SYNE3: variants seen among roughly 807,000 people sequenced by gnomAD.
The protein encoded by SYNE3 is spectrin repeat containing nuclear envelope family member 3.
A neutral mutation model predicts 111.2 loss-of-function variants in SYNE3; 100 were observed. The observed-to-expected ratio is 0.90, with a 90% CI of 0.77 to 1.06. SYNE3 has a LOEUF of 1.06. SYNE3 is among the 50% of genes least tolerant of loss of function. The pLI is 0.00. For synonymous variants in SYNE3, 547 were observed against 533.9 expected, an observed-to-expected ratio of 1.02 and a Z score of -0.34; for missense variants, 1,160 against 1,240.3, an observed-to-expected ratio of 0.94 and a Z score of 0.97.
intron 7 of SYNE3, 78 bp from the exon 8 acceptor site, chr14:95,450,183 C>A (rs1595204604): frequency 1.3e-6 from 2 of 1,482,348 alleles, no homozygotes; most frequent in East Asian, 5.0e-5. Context: ...CCGCCAAGAC[C>A]CTCAAGAGGC....
chr14:95,499,264 A>G (rs1890229461), intron 1 of SYNE3, among the ~76,000 whole-genome samples: 1 of 152,242 alleles, frequency 6.6e-6, no homozygotes, highest in Non-Finnish European at 1.5e-5. Context: ...GCTCAGGGTC[A>G]AAGGCTTTTC....
In SYNE3 at chr14:95,440,019, C is replaced by T. The variant is rs775153261; in HGVS notation, c.1968G>A (p.Gln656=). The change falls in exon 12 of 18, where the codon CAG becomes CAA. Residue 656 remains glutamine, a synonymous_variant. Transcript: ENST00000682763. ...CGATCCACTGCCGCAGCTCCAGCAG[C>T]TGGTGGCTGAAGGTGCAGTGCTCCT... ...SVQEHCTFSH[Q]LLELRQWIVV... 29 of 1,611,934 alleles carry T rather than the reference C, an allele frequency of 1.8e-5. No individual in the cohort carries two copies. The highest frequency in any genetic ancestry group is 2.5e-5 in the Non-Finnish European group (29 of 1,180,028).
chr14:95,488,713 G>C (rs1480856321), intron 1 of SYNE3, among the ~76,000 whole-genome samples: 2 of 90,102 alleles, frequency 2.2e-5, no homozygotes, highest in Non-Finnish European at 4.5e-5. Context: ...GAGGAGAGGA[G>C]AGGAGAGGAG....
Position 95,439,956 on chromosome 14 carries a change from C to T in SYNE3, c.2031G>A (p.Glu677=), listed in dbSNP as rs751147919. ...TTQKLEAHRG[E]AGPGDAESQE... ...GGGACTCGGCATCCCCCGGGCCCGC[C>T]TCTCCCCGGTGTGCCTCCAGCTTTT... Residue 677 remains glutamate, a synonymous_variant, in exon 12 of 18, where the codon GAG becomes GAA. Coordinates refer to ENST00000682763, the MANE Select transcript of SYNE3 (RefSeq NM_152592.6). 22 of 1,613,954 alleles carry T rather than the reference C, an allele frequency of 1.4e-5. No individual in the cohort carries two copies. The highest frequency in any genetic ancestry group is 1.5e-5 in the Non-Finnish European group (18 of 1,180,028).
intron 1 of SYNE3, among the ~76,000 whole-genome samples, chr14:95,514,337 T>A (rs1023019297): frequency 3.9e-5 from 6 of 152,146 alleles, no homozygotes; most frequent in African/African-American, 1.4e-4. Context: ...GTCAAGAGCC[T>A]CCTGCCCTCC....
In SYNE3 at chr14:95,417,623, A is replaced by C. The variant is rs1428268961; in HGVS notation, c.*203T>G. On this transcript the variant is annotated 3_prime_UTR_variant, in exon 18 of 18. Coordinates refer to ENST00000682763, the MANE Select transcript of SYNE3 (RefSeq NM_152592.6). ...TAGACATTATTCCCTAGTCACATGTAGTACACATTTAGTATAAATAGACTA... is the reference window on the plus strand; with the variant it reads ...TAGACATTATTCCCTAGTCACATGTCGTACACATTTAGTATAAATAGACTA... The C allele has an allele frequency of 3.3e-6, 2 of 609,620 alleles. No homozygotes were observed. Among genetic ancestry groups the C allele is most frequent in the Non-Finnish European group, 5.9e-6 (2 of 338,812 alleles). 37.8% of individuals were successfully genotyped at this position (609,620 alleles called of 1,614,324 possible).
intron 17 of SYNE3, among the ~76,000 whole-genome samples, chr14:95,420,051 A>C (rs924575057): frequency 5.3e-5 from 8 of 151,606 alleles, no homozygotes; most frequent in African/African-American, 1.7e-4. Flanking sequence ...TATCCCCTCC[A>C]GATGATAACG....
intron 15 of SYNE3, among the ~76,000 whole-genome samples, chr14:95,434,084 G>A (rs191629002): frequency 6.6e-6 from 1 of 151,988 alleles, no homozygotes; most frequent in Admixed American, 6.6e-5. Flanking sequence ...GTGGTGCGGT[G>A]GGGGGAATGA....
intron 17 of SYNE3, among the ~76,000 whole-genome samples, chr14:95,422,780 G>A (rs1391077422): frequency 2.0e-5 from 3 of 152,212 alleles, no homozygotes; most frequent in Non-Finnish European, 4.4e-5. Context: ...CCCTCACTGA[G>A]CCACGTGTTG....
intron 8 of SYNE3, among the ~76,000 whole-genome samples, chr14:95,448,580 T>G (rs974206075): frequency 6.6e-6 from 1 of 152,020 alleles, no homozygotes; most frequent in Non-Finnish European, 1.5e-5. Context: ...CCCAGCTACT[T>G]GGGAGGCTGA....
At chr14:95,441,467 T>G (rs1298223657) in intron 11 of SYNE3, among the ~76,000 whole-genome samples, 1 of 152,222 alleles carries the variant, frequency 6.6e-6, no homozygotes. Context: ...GAAGGACATA[T>G]TAGATTAACA....
chr14:95,431,780 C>T (rs1387059396), intron 17 of SYNE3, among the ~76,000 whole-genome samples: 1 of 152,212 alleles, frequency 6.6e-6, no homozygotes, highest in African/African-American at 2.4e-5. Flanking sequence ...GCATCTTTGT[C>T]CACTCCCCAG....
chr14:95,463,173 T>G (rs1887945835), intron 4 of SYNE3, among the ~76,000 whole-genome samples: 1 of 151,044 alleles, frequency 6.6e-6, no homozygotes. Context: ...AAAAAAAGAG[T>G]CCAATAACAA....
intron 16 of SYNE3, 51 bp from the exon 17 acceptor site, chr14:95,432,168 G>A (rs1304794452): frequency 6.4e-7 from 1 of 1,567,126 alleles, no homozygotes; most frequent in Admixed American, 1.8e-5. Flanking sequence ...TAAGTTAAGT[G>A]AGTGAAACTT....
chr14:95,446,768 A>G (rs1286721970), intron 8 of SYNE3, among the ~76,000 whole-genome samples: 1 of 152,146 alleles, frequency 6.6e-6, no homozygotes, highest in Non-Finnish European at 1.5e-5. Context: ...GCTGCCATAT[A>G]GCCCGAACTC....
intron 1 of SYNE3, among the ~76,000 whole-genome samples, chr14:95,507,121 T>C (rs142276743): frequency 6.6e-6 from 1 of 152,332 alleles, no homozygotes; most frequent in African/African-American, 2.4e-5. Flanking sequence ...AGAAAGACTG[T>C]GCCTCTGGGC....
At chr14:95,515,617 T>G (rs893091008) in intron 1 of SYNE3, among the ~76,000 whole-genome samples, 13 of 152,172 alleles carry the variant, frequency 8.5e-5, no homozygotes, top group African/African-American at 2.9e-4. Context: ...CTCATTCATG[T>G]GGGATGGGGC....
At position 95,448,416 on chromosome 14, in the gene SYNE3, C is replaced by CAGTG. The variant is rs1886846309; in HGVS notation, c.1449+1511_1449+1514dup. On this transcript the variant is annotated intron_variant, in intron 8 of 17. Transcript: ENST00000682763. ...AAAAACTATTAAGAGAGGTCTGGTG[C>CAGTG]AGTGGCTCTTGTCTAATCCTAGCAC... 3.6e-5 allele frequency among the ~76,000 whole-genome samples: 5 copies of CAGTG among 138,094 alleles called. No individual in the cohort carries two copies. The Admixed American group carries it at 3.6e-4, about 10-fold the overall frequency. The allele number at this position is 138,094 out of a possible 152,430, so 90.6% of individuals were successfully genotyped here.
In SYNE3 at chr14:95,409,378, G is replaced by A; in HGVS notation, c.*8448C>T. 2.2e-6 allele frequency: 1 copy of A among 456,752 alleles called. No individual in the cohort carries two copies. The highest frequency in any genetic ancestry group is 4.4e-6 in the Non-Finnish European group (1 of 226,990). The allele number at this position is 456,752 out of a possible 1,614,324, so 28.3% of individuals were successfully genotyped here. On this transcript the variant is annotated 3_prime_UTR_variant, in exon 18 of 18. Coordinates refer to ENST00000682763, the MANE Select transcript of SYNE3 (RefSeq NM_152592.6). Reference sequence around the variant, plus strand: ...ATCAGAACAGGAAGAGGGACTGTAGGACTTTGTCCCTCATCTCCACAGAGG... The same window carrying A: ...ATCAGAACAGGAAGAGGGACTGTAGAACTTTGTCCCTCATCTCCACAGAGG...
Sources: allele counts gnomAD v4.1 joint callset (sites outside exome capture counted in the v4.1 genomes callset), GRCh38; gene constraint gnomAD v4.1.1; transcripts MANE v1.5; gene names NCBI Gene and HGNC (gene_info 2026-07-23, HGNC 2026-07-21).